ZNF318: variants seen among roughly 807,000 people sequenced by gnomAD.
ZNF318 encodes the protein endocrine regulator.
A neutral mutation model predicts 124.2 loss-of-function variants in ZNF318; 51 were observed. The observed-to-expected ratio is 0.41, with a 90% CI of 0.33 to 0.52. ZNF318 has a LOEUF of 0.52. Ranked by LOEUF, ZNF318 falls within the 20% of genes least tolerant of loss-of-function variation. The pLI is 0.23. For missense variants in ZNF318, 2,815 were observed against 2,811.2 expected (o/e 1.00, Z -0.03); for synonymous variants, 1,090 against 1,040.7 (o/e 1.05, Z -0.91).
At chr6:43,364,001 T>A (rs1416650699) in intron 2 of ZNF318, 2 of 717,170 alleles carry the variant, frequency 2.8e-6, no homozygotes, top group Admixed American at 2.0e-5. Context: ...GTGCACCTCA[T>A]CCCTGCGCCC....
At position 43,338,353 on chromosome 6, in the gene ZNF318, T is replaced by C. The variant is rs760365505; in HGVS notation, c.5645A>G (p.Asp1882Gly). The C allele has an allele frequency of 4.3e-6, 7 of 1,614,074 alleles. No homozygotes were observed. The highest frequency in any genetic ancestry group is 1.3e-5 in the African/African-American group (1 of 74,930). The change falls in exon 10 of 10, where the codon GAT becomes GGT. Residue 1882 changes from aspartate (D) to glycine (G), a missense_variant. Around this residue, in one of 4 missense-constraint regions of ZNF318, gnomAD observed 927 missense variants for 820.6 expected, o/e 1.13. Coordinates refer to ENST00000361428, the MANE Select transcript of ZNF318 (RefSeq NM_014345.3). Reference sequence around the variant, plus strand: ...TGGGGCAGAAATTTTCACAGGTGTATCTTGTGGGTTGAGTAAAGACCTAGC... The same window carrying C: ...TGGGGCAGAAATTTTCACAGGTGTACCTTGTGGGTTGAGTAAAGACCTAGC... ...SEARSLLNPQ[D>G]TPVKISAPEL... is the part of the protein sequence containing the mutation.
chr6:43,337,668 T>G lies in ZNF318; in HGVS notation c.6330A>C (p.Thr2110=), dbSNP rs1324206273. ...PSPNILKTGL[T]ENVDRGLGGL... ...CCCCCAAGCCACGGTCAACATTTTC[T>G]GTAAGTCCAGTTTTCAAAATGTTAG... The change falls in exon 10 of 10, where the codon ACA becomes ACC. Residue 2110 remains threonine (T), a synonymous_variant. Coordinates refer to ENST00000361428, the MANE Select transcript of ZNF318 (RefSeq NM_014345.3). 1 of 1,614,188 alleles carries G rather than the reference T, an allele frequency of 6.2e-7. No individual in the cohort carries two copies. The highest frequency in any genetic ancestry group is 8.5e-7 in the Non-Finnish European group (1 of 1,180,032).
Position 43,337,115 on chromosome 6 carries a change from A to G in ZNF318, c.*43T>C. ...TGGATCATCTGGGCATCTGATTTCT[A>G]GAAGCCAATGATTCACTCACAAGTA... On this transcript the variant is annotated 3_prime_UTR_variant, in exon 10 of 10. Transcript: ENST00000361428. 6.7e-7 allele frequency: 1 copy of G among 1,500,174 alleles called. No individual in the cohort carries two copies. The highest frequency in any genetic ancestry group is 8.9e-7 in the Non-Finnish European group (1 of 1,124,052). 92.9% of individuals were successfully genotyped at this position (1,500,174 alleles called of 1,614,324 possible). A position where few individuals can be genotyped will look rare whatever the true frequency, so the allele number is the denominator to read the frequency against.
intron 1 of ZNF318, among the ~76,000 whole-genome samples, chr6:43,366,306 T>C (rs1486921139): frequency 6.6e-6 from 1 of 152,136 alleles, no homozygotes; most frequent in Non-Finnish European, 1.5e-5. Context: ...GAGGAAAAGA[T>C]AGGCAGAAAG....
At chr6:43,358,030 G>C (rs1444690797) in intron 2 of ZNF318, among the ~76,000 whole-genome samples, 1 of 152,170 alleles carries the variant, frequency 6.6e-6, no homozygotes, top group African/African-American at 2.4e-5. Context: ...GAATATCATG[G>C]AAGTTACACA....
In ZNF318 at chr6:43,337,123, A is replaced by G; in HGVS notation, c.*35T>C. ...CTGGGCATCTGATTTCTAGAAGCCA[A>G]TGATTCACTCACAAGTAGCTCTAGG... On this transcript the variant is annotated 3_prime_UTR_variant, in exon 10 of 10. Coordinates refer to ENST00000361428, the MANE Select transcript of ZNF318 (RefSeq NM_014345.3). 6.6e-7 allele frequency: 1 copy of G among 1,511,818 alleles called. No individual in the cohort carries two copies. Among genetic ancestry groups the G allele is most frequent in the Non-Finnish European group, 8.8e-7 (1 of 1,131,170 alleles). The allele number at this position is 1,511,818 out of a possible 1,614,324, so 93.7% of individuals were successfully genotyped here.
chr6:43,367,543 A>G (rs1185901181), intron 1 of ZNF318, among the ~76,000 whole-genome samples: 3 of 152,220 alleles, frequency 2.0e-5, no homozygotes, highest in African/African-American at 7.2e-5. Flanking sequence ...GGTAAAGCTA[A>G]CGGGTTAGAC....
At chr6:43,346,768 A>G (rs79146644) in intron 6 of ZNF318, among the ~76,000 whole-genome samples, 2,744 of 152,220 alleles carry the variant, frequency 0.018, 41 homozygotes, top group Middle Eastern at 0.058. Flanking sequence ...TTTATGCAAA[A>G]CCAGAGAGGT....
chr6:43,339,035 TC>T lies in ZNF318; in HGVS notation c.4962del (p.Lys1655AsnfsTer5). ...CCTACATGTTCTACAACTGACCATT[TC>T]CCTAGGGCCACCAGAGTTTTTGCAA... is the stretch of plus-strand genomic sequence containing the variant. ...KPIAKTLVAL[G>X]KWSVVEHVGP... is the part of the protein sequence containing the mutation. On this transcript the variant is annotated frameshift_variant, in exon 10 of 10. Transcript: ENST00000361428. LOFTEE classifies it low-confidence loss of function (END_TRUNC). The surrounding 1 kb of genome is among the most constrained non-coding windows in gnomAD (Gnocchi z 4.2). 1 of 1,614,194 alleles carries T rather than the reference TC, an allele frequency of 6.2e-7. No individual in the cohort carries two copies. The highest frequency in any genetic ancestry group is 8.5e-7 in the Non-Finnish European group (1 of 1,180,034).
rs556728065 is a variant in ZNF318, at chr6:43,338,255, C to A, written c.5743G>T (p.Val1915Phe). Residue 1915 changes from valine (V) to phenylalanine (F), a missense_variant, in exon 10 of 10, where the codon GTT becomes TTT. This residue lies in a region of ZNF318 where 927 missense variants were observed against 820.6 expected (regional missense o/e 1.13). Coordinates refer to ENST00000361428, the MANE Select transcript of ZNF318 (RefSeq NM_014345.3). ...TGSPQEQGVS[V>F]VSEEGLENSA... The stretch of plus-strand genomic sequence containing the variant: ...TTCTCTAGCCCCTCCTCACTAACAA[C>A]TGAAACTCCTTGCTCTTGTGGACTA... The A allele has an allele frequency of 6.2e-7, 1 of 1,614,036 alleles. No individual in the cohort carries two copies. Among genetic ancestry groups the A allele is most frequent in the Non-Finnish European group, 8.5e-7 (1 of 1,180,046 alleles).
intron 2 of ZNF318, chr6:43,364,271 G>C (rs1310177154): frequency 3.9e-6 from 2 of 514,266 alleles, no homozygotes; most frequent in South Asian, 6.3e-5. Flanking sequence ...GAGGACGTAG[G>C]CTCCAGCTGT....
intron 1 of ZNF318, among the ~76,000 whole-genome samples, chr6:43,366,024 T>G (rs1779756300): frequency 1.3e-5 from 2 of 151,732 alleles, no homozygotes; most frequent in Non-Finnish European, 1.5e-5. Context: ...GTGAAGGAGG[T>G]AAGCCAAAAA....
intron 2 of ZNF318, chr6:43,364,208 T>A: frequency 1.4e-6 from 1 of 716,538 alleles, no homozygotes; most frequent in South Asian, 1.7e-5. Context: ...CAAGTCTCCC[T>A]ATCAGGAATT....
In ZNF318 at chr6:43,355,519, T is replaced by C. The variant is rs765589264; in HGVS notation, c.1815A>G (p.Val605=). 5 of 1,614,220 alleles carry C rather than the reference T, an allele frequency of 3.1e-6. No individual in the cohort carries two copies. The South Asian group carries it at 4.4e-5, about 14-fold the overall frequency. The change falls in exon 4 of 10, where the codon GTA becomes GTG. Residue 605 remains valine (V), a synonymous_variant. Transcript: ENST00000361428. ...LLKTIGLDIG[V]AEISQLAART... is the part of the protein sequence containing the mutation. ...GTGCAGCCAATTGACTAATCTCTGC[T>C]ACTCCAATATCCAGCCCTATTGTCT...
At chr6:43,345,513 C>T (rs116646168) in intron 6 of ZNF318, among the ~76,000 whole-genome samples, 2,934 of 152,198 alleles carry the variant, frequency 0.019, 50 homozygotes, top group South Asian at 0.043. Flanking sequence ...ATCAAGATGA[C>T]AGATTATCAT....
intron 7 of ZNF318, 41 bp downstream of exon 7, chr6:43,342,635 G>A (rs1159978047): frequency 1.9e-6 from 3 of 1,595,100 alleles, no homozygotes; most frequent in Non-Finnish European, 2.6e-6. Context: ...TTTGAAGAGA[G>A]TGAGGGTGGG....
chr6:43,355,495 T>C lies in ZNF318; in HGVS notation c.1839A>G (p.Ala613=), dbSNP rs773779143. The C allele has an allele frequency of 4.3e-6, 7 of 1,614,080 alleles. No homozygotes were observed. The Admixed American group carries it at 8.3e-5, about 19-fold the overall frequency. The change falls in exon 4 of 10, where the codon GCA becomes GCG. Residue 613 remains alanine (A), a synonymous_variant. Coordinates refer to ENST00000361428, the MANE Select transcript of ZNF318 (RefSeq NM_014345.3). ...IGVAEISQLA[A]RTQERLHGKK... ...TGCCATGAAGTCGTTCCTGGGTGCGTGCAGCCAATTGACTAATCTCTGCTA... is the reference window on the plus strand; with the variant it reads ...TGCCATGAAGTCGTTCCTGGGTGCGCGCAGCCAATTGACTAATCTCTGCTA...
At chr6:43,366,005 A>T (rs961618316) in intron 1 of ZNF318, among the ~76,000 whole-genome samples, 4 of 152,218 alleles carry the variant, frequency 2.6e-5, no homozygotes, top group African/African-American at 9.6e-5. Context: ...TCTAGTGTAC[A>T]TACTTCTAGT....
In ZNF318 at chr6:43,337,583, C is replaced by T. The variant is rs141409193; in HGVS notation, c.6415G>A (p.Val2139Ile). The T allele has an allele frequency of 5.9e-5, 96 of 1,614,098 alleles. No homozygotes were observed. The East Asian group carries it at 2.1e-3, about 36-fold the overall frequency. Residue 2139 changes from valine (V) to isoleucine (I), a missense_variant, in exon 10 of 10, where the codon GTA (valine) becomes ATA (isoleucine). Physicochemically the swap from Val to Ile is conservative, Grantham distance 29. Coordinates refer to ENST00000361428, the MANE Select transcript of ZNF318 (RefSeq NM_014345.3). ...LLAGGMMPEEVKESSQLDKQE... is the reference protein window; with the variant it reads ...LLAGGMMPEEIKESSQLDKQE... ...TTGTCTAATTGGGAAGATTCTTTTA[C>T]TTCCTCAGGCATCATTCCTCCTGCT... is the stretch of plus-strand genomic sequence containing the variant.
Sources: allele counts gnomAD v4.1 joint callset (sites outside exome capture counted in the v4.1 genomes callset), GRCh38; gene constraint gnomAD v4.1.1; regional missense constraint gnomAD v4.1.1; non-coding constraint Gnocchi (gnomAD v3.1); transcripts MANE v1.5; gene names NCBI Gene and HGNC (gene_info 2026-07-23, HGNC 2026-07-21).